Variants in RGS21 observed in about 807,000 individuals in gnomAD.
The protein encoded by RGS21 is regulator of G-protein signalling 21.
A neutral mutation model predicts 18.7 loss-of-function variants in RGS21; 19 were observed. The ratio of observed to expected loss-of-function variants is 1.01; its 90% CI spans 0.71 to 1.49. The LOEUF is 1.49. RGS21 is among the 40% of genes most tolerant of loss of function. The pLI is 0.00. For missense variants in RGS21, 194 were observed against 176.8 expected, an observed-to-expected ratio of 1.10 and a Z score of -0.55; for synonymous variants, 56 against 57.8, an observed-to-expected ratio of 0.97 and a Z score of 0.14.
At chr1:192,362,928 C>CTT (rs1659205784) in intron 4 of RGS21, among the ~76,000 whole-genome samples, 1 of 152,014 alleles carries the variant, frequency 6.6e-6, no homozygotes, top group African/African-American at 2.4e-5. Flanking sequence ...TAAATATCAT[C>CTT]TTAGCAATGC....
At chr1:192,327,463 T>C (rs1658583440) in intron 1 of RGS21, among the ~76,000 whole-genome samples, 1 of 152,064 alleles carries the variant, frequency 6.6e-6, no homozygotes, top group South Asian at 2.1e-4. Context: ...CATTCTTTTT[T>C]TTTAATTTTT....
At chr1:192,324,165 G>A (rs930265643) in intron 1 of RGS21, among the ~76,000 whole-genome samples, 1 of 113,016 alleles carries the variant, frequency 8.8e-6, no homozygotes, top group Admixed American at 7.8e-5. Flanking sequence ...AGCATAAAGA[G>A]TTTTCTTTAA....
At chr1:192,337,758 T>A (rs1658792496) in intron 1 of RGS21, among the ~76,000 whole-genome samples, 2 of 152,274 alleles carry the variant, frequency 1.3e-5, no homozygotes, top group Non-Finnish European at 2.9e-5. Context: ...CAATGTGGAT[T>A]TAAACATTCT....
chr1:192,366,636 A>AT lies in RGS21; in HGVS notation c.*518dup, dbSNP rs1193503666. On this transcript the variant is annotated 3_prime_UTR_variant, in exon 5 of 5. Transcript: ENST00000417209. ...AAAACTGCTACGCCTCTCAAATTAT[A>AT]TTTTTTAAATCACAGGAATGTATAC... 1 of 152,328 alleles carries AT rather than the reference A, an allele frequency of 6.6e-6. No individual in the cohort carries two copies. The highest frequency in any genetic ancestry group is 1.5e-5 in the Non-Finnish European group (1 of 68,266). The allele number at this position is 152,328 out of a possible 1,614,324, so 9.4% of individuals were successfully genotyped here.
intron 1 of RGS21, among the ~76,000 whole-genome samples, chr1:192,332,938 A>G (rs1658679740): frequency 6.6e-6 from 1 of 152,006 alleles, no homozygotes; most frequent in African/African-American, 2.4e-5. Flanking sequence ...AGTCTCAAAA[A>G]AATTTTTTTA....
At chr1:192,362,670 A>G (rs1659202527) in intron 4 of RGS21, among the ~76,000 whole-genome samples, 1 of 152,172 alleles carries the variant, frequency 6.6e-6, no homozygotes, top group African/African-American at 2.4e-5. Context: ...TTAGCTACCA[A>G]TTGCTGATGC....
rs770224802 is a variant in RGS21, at chr1:192,347,366, T to C, written c.65T>C (p.Met22Thr). The change falls in exon 3 of 5, where the codon ATG becomes ACG. Residue 22 changes from methionine (M) to threonine (T), a missense_variant. By Grantham distance (81) the Met-to-Thr change is moderately conservative. Transcript: ENST00000417209. ...GAAACAATGACATGGTCTGAAAATA[T>C]GGACACGCTTTTAGCCAACCAAGGT... ...TAETMTWSEN[M>T]DTLLANQAGL... 2.5e-6 allele frequency: 4 copies of C among 1,603,098 alleles called. No homozygotes were observed. The highest frequency in any genetic ancestry group is 1.3e-5 in the African/African-American group (1 of 74,726).
intron 1 of RGS21, among the ~76,000 whole-genome samples, chr1:192,318,814 C>T (rs1158406039): frequency 6.6e-6 from 1 of 151,974 alleles, no homozygotes; most frequent in Non-Finnish European, 1.5e-5. Flanking sequence ...ATGTCATTGT[C>T]ACCATAAAAA....
At chr1:192,358,056 G>C (rs1659134498) in intron 4 of RGS21, among the ~76,000 whole-genome samples, 2 of 151,880 alleles carry the variant, frequency 1.3e-5, no homozygotes, top group African/African-American at 4.8e-5. Context: ...ATTCCATTTC[G>C]GCTGCTCCAG....
At chr1:192,363,883 A>G (rs1187021418) in intron 4 of RGS21, among the ~76,000 whole-genome samples, 2 of 152,098 alleles carry the variant, frequency 1.3e-5, no homozygotes, top group Non-Finnish European at 1.5e-5. Flanking sequence ...TTAGAGCACC[A>G]TCTTCTTCTT....
At chr1:192,329,901 T>C (rs1010621935) in intron 1 of RGS21, among the ~76,000 whole-genome samples, 2 of 152,202 alleles carry the variant, frequency 1.3e-5, no homozygotes, top group Non-Finnish European at 1.5e-5. Context: ...AATTCAGTGA[T>C]AAATTTCATC....
At chr1:192,320,040 G>A (rs771224616) in intron 1 of RGS21, among the ~76,000 whole-genome samples, 2 of 151,986 alleles carry the variant, frequency 1.3e-5, no homozygotes, top group South Asian at 4.1e-4. Flanking sequence ...AGAAGCAAAG[G>A]TCACACAGCA....
In RGS21 at chr1:192,343,043, G is replaced by A; in HGVS notation, c.7G>A (p.Val3Met). The A allele has an allele frequency of 6.2e-7, 1 of 1,612,696 alleles. No homozygotes were observed. Among genetic ancestry groups the A allele is most frequent in the Non-Finnish European group, 8.5e-7 (1 of 1,178,872 alleles). Residue 3 changes from valine (V) to methionine (M), a missense_variant, in exon 2 of 5, where the codon GTG becomes ATG. Val to Met is a conservative substitution (Grantham distance 21). Transcript: ENST00000417209. MP[V>M]KCCFYRSPTA... ...ACAGACAGTGGAACGAAAAATGCCA[G>A]TGAAGTGAGTTGCCGTTTCCAGCTA... is the stretch of plus-strand genomic sequence containing the variant.
intron 1 of RGS21, among the ~76,000 whole-genome samples, chr1:192,323,095 A>T (rs958970066): frequency 1.3e-5 from 2 of 152,158 alleles, no homozygotes; most frequent in Non-Finnish European, 2.9e-5. Flanking sequence ...TTTTTAAAAG[A>T]GACTTCATTG....
chr1:192,333,033 A>T (rs561544463), intron 1 of RGS21, among the ~76,000 whole-genome samples: 2 of 152,312 alleles, frequency 1.3e-5, no homozygotes, highest in South Asian at 4.1e-4. Flanking sequence ...TTCATTGAAG[A>T]GAACACATAG....
At chr1:192,347,755 G>A (rs1359047882) in intron 3 of RGS21, among the ~76,000 whole-genome samples, 1 of 152,048 alleles carries the variant, frequency 6.6e-6, no homozygotes, top group Non-Finnish European at 1.5e-5. Context: ...CACCTTCTGG[G>A]TTCAAGCAAT....
chr1:192,351,774 A>G (rs1412553184), intron 3 of RGS21, among the ~76,000 whole-genome samples: 5 of 147,854 alleles, frequency 3.4e-5, no homozygotes, highest in Non-Finnish European at 6.0e-5. Context: ...TATAACATAT[A>G]TAATATATAT....
intron 1 of RGS21, among the ~76,000 whole-genome samples, chr1:192,335,575 C>T (rs758494866): frequency 6.6e-6 from 1 of 152,100 alleles, no homozygotes; most frequent in African/African-American, 2.4e-5. Flanking sequence ...GTGAGATGTA[C>T]AAGACTGTGT....
In RGS21 at chr1:192,343,012, T is replaced by A; in HGVS notation, c.-25T>A. The stretch of plus-strand genomic sequence containing the variant: ...AGTCAGAAAGAGAAACTCGGCATCA[T>A]CTGTGACAGACAGTGGAACGAAAAA... On this transcript the variant is annotated 5_prime_UTR_variant, in exon 2 of 5. Coordinates refer to ENST00000417209, the MANE Select transcript of RGS21 (RefSeq NM_001039152.3). 1 of 1,612,104 alleles carries A rather than the reference T, an allele frequency of 6.2e-7. No homozygotes were observed. The highest frequency in any genetic ancestry group is 8.5e-7 in the Non-Finnish European group (1 of 1,178,392).
Sources: allele counts gnomAD v4.1 joint callset (sites outside exome capture counted in the v4.1 genomes callset), GRCh38; gene constraint gnomAD v4.1.1; transcripts MANE v1.5; gene names NCBI Gene and HGNC (gene_info 2026-07-23, HGNC 2026-07-21).